Variants in PDGFD observed in about 807,000 individuals in gnomAD.
PDGFD encodes platelet derived growth factor D, also known as platelet-derived growth factor D.
Under a neutral mutation model 44.7 loss-of-function variants are expected in PDGFD, and 30 were observed. The ratio of observed to expected loss-of-function variants is 0.67; its 90% CI spans 0.50 to 0.91. PDGFD has a LOEUF of 0.91. PDGFD is among the 40% of genes least tolerant of loss of function. The pLI, the probability that PDGFD is intolerant of heterozygous loss-of-function variation, is 0.00. For missense variants in PDGFD, 445 were observed against 457.8 expected, an observed-to-expected ratio of 0.97 and a Z score of 0.25; for synonymous variants, 173 against 168.4, an observed-to-expected ratio of 1.03 and a Z score of -0.21.
chr11:103,970,535 C>T (rs1332542889), intron 3 of PDGFD, among the ~76,000 whole-genome samples: 1 of 152,048 alleles, frequency 6.6e-6, no homozygotes, highest in Non-Finnish European at 1.5e-5. Flanking sequence ...TTTGCAAGTA[C>T]TTTAATATAA....
intron 1 of PDGFD, among the ~76,000 whole-genome samples, chr11:104,131,801 T>TAAAAA (rs55959221): frequency 8.5e-4 from 60 of 70,960 alleles, no homozygotes; most frequent in African/African-American, 3.4e-3. Context: ...CAATGAACTG[T>TAAAAA]AAAAAAAAAA....
intron 1 of PDGFD, chr11:104,039,334 G>A (rs1397321121): frequency 1.3e-5 from 2 of 155,138 alleles, no homozygotes; most frequent in East Asian, 3.9e-4. Context: ...TATCTTAAAG[G>A]ATCTGGGATA....
intron 3 of PDGFD, among the ~76,000 whole-genome samples, chr11:103,990,023 C>A (rs1859426852): frequency 6.6e-6 from 1 of 152,134 alleles, no homozygotes; most frequent in African/African-American, 2.4e-5. Flanking sequence ...ACTTTTGTAG[C>A]ATCTCACCTT....
At chr11:104,028,918 T>C (rs1430680520) in intron 1 of PDGFD, among the ~76,000 whole-genome samples, 1 of 152,176 alleles carries the variant, frequency 6.6e-6, no homozygotes, top group Non-Finnish European at 1.5e-5. Context: ...GCATCATAAA[T>C]TGGTTCCCTG....
At chr11:104,037,259 T>A (rs1428163073) in intron 1 of PDGFD, 1 of 1,613,540 alleles carries the variant, frequency 6.2e-7, no homozygotes, top group African/African-American at 1.3e-5. Flanking sequence ...CCCGCCCTGA[T>A]CCGCAGCATG....
intron 1 of PDGFD, among the ~76,000 whole-genome samples, chr11:104,017,175 C>A (rs1239689944): frequency 6.6e-6 from 1 of 152,146 alleles, no homozygotes; most frequent in Non-Finnish European, 1.5e-5. Flanking sequence ...ACAGGCTTTA[C>A]CAGACACCCA....
At chr11:104,017,071 G>A (rs1859868451) in intron 1 of PDGFD, among the ~76,000 whole-genome samples, 1 of 152,152 alleles carries the variant, frequency 6.6e-6, no homozygotes, top group Non-Finnish European at 1.5e-5. Flanking sequence ...CCTCATGAAT[G>A]AGATTACGGA....
intron 1 of PDGFD, among the ~76,000 whole-genome samples, chr11:104,089,891 C>A (rs963218925): frequency 6.6e-6 from 1 of 152,116 alleles, no homozygotes; most frequent in Non-Finnish European, 1.5e-5. Context: ...TGTATAGATT[C>A]TATTGGTTGA....
intron 1 of PDGFD, among the ~76,000 whole-genome samples, chr11:104,135,427 A>G (rs1482397897): frequency 6.6e-6 from 1 of 152,204 alleles, no homozygotes; most frequent in African/African-American, 2.4e-5. Context: ...AAATGGTGCA[A>G]TATGTATGAA....
At chr11:104,133,800 T>C (rs565330693) in intron 1 of PDGFD, among the ~76,000 whole-genome samples, 1 of 152,220 alleles carries the variant, frequency 6.6e-6, no homozygotes, top group South Asian at 2.1e-4. Context: ...ACAAGAAAAC[T>C]GAGGCTCGAA....
chr11:104,056,597 G>A (rs1860619599), intron 1 of PDGFD, among the ~76,000 whole-genome samples: 1 of 152,078 alleles, frequency 6.6e-6, no homozygotes, highest in African/African-American at 2.4e-5. Context: ...ATTCCTGAGA[G>A]TTAGAAGCTG....
intron 1 of PDGFD, among the ~76,000 whole-genome samples, chr11:104,047,283 A>G (rs1860458551): frequency 6.8e-6 from 1 of 147,352 alleles, no homozygotes; most frequent in South Asian, 2.3e-4. Context: ...GTCAAATGGT[A>G]TTTCTGGTTC....
chr11:104,082,133 C>CATATATATATATATATATATATATATAT (rs981551524), intron 1 of PDGFD, among the ~76,000 whole-genome samples: 10,858 of 114,240 alleles, frequency 0.095, 1,424 homozygotes, highest in Middle Eastern at 0.14. Context: ...CATATACATA[C>CATATATATATATATATATATATATATAT]ATACATATAT....
chr11:104,131,922 C>A (rs1565344422), intron 1 of PDGFD, among the ~76,000 whole-genome samples: 1 of 149,914 alleles, frequency 6.7e-6, no homozygotes, highest in African/African-American at 2.5e-5. Flanking sequence ...ATAAAACTGA[C>A]AAGTGGCACC....
intron 1 of PDGFD, among the ~76,000 whole-genome samples, chr11:104,081,047 G>C (rs1015254153): frequency 1.3e-5 from 2 of 152,138 alleles, no homozygotes; most frequent in Non-Finnish European, 2.9e-5. Flanking sequence ...ACAATTAGTA[G>C]AGTCAGAACT....
intron 1 of PDGFD, among the ~76,000 whole-genome samples, chr11:104,111,718 T>C (rs1861561465): frequency 1.3e-5 from 2 of 152,170 alleles, no homozygotes; most frequent in African/African-American, 4.8e-5. Context: ...ACATGTTTCT[T>C]CCATACTTTA....
At chr11:103,971,700 T>A (rs1471263101) in intron 3 of PDGFD, among the ~76,000 whole-genome samples, 1 of 152,212 alleles carries the variant, frequency 6.6e-6, no homozygotes, top group African/African-American at 2.4e-5. Flanking sequence ...TAGGACATTA[T>A]GTTGTTTATT....
Position 104,057,100 on chromosome 11 carries a change from C to T in PDGFD, c.125-56845G>A, listed in dbSNP as rs368725041. 1.6e-4 allele frequency among the ~76,000 whole-genome samples: 25 copies of T among 152,312 alleles called. No homozygotes were observed. The East Asian group carries it at 4.8e-3, about 29-fold the overall frequency. ...CCCAGATCGAGCCACTGCATGCCAGCCTGGCGACACAGCAAGACTTCGTCC... is the reference window on the plus strand; with the variant it reads ...CCCAGATCGAGCCACTGCATGCCAGTCTGGCGACACAGCAAGACTTCGTCC... On this transcript the variant is annotated intron_variant, in intron 1 of 6. Coordinates refer to ENST00000393158, the MANE Select transcript of PDGFD (RefSeq NM_025208.5).
At chr11:103,909,969 T>C in intron 6 of PDGFD, 150 bp from the exon 7 acceptor site, 1 of 845,790 alleles carries the variant, frequency 1.2e-6, no homozygotes, top group Non-Finnish European at 1.9e-6. Flanking sequence ...CACACGTTGC[T>C]ATTAGAATGT....
Sources: allele counts gnomAD v4.1 joint callset (sites outside exome capture counted in the v4.1 genomes callset), GRCh38; gene constraint gnomAD v4.1.1; transcripts MANE v1.5; gene names NCBI Gene and HGNC (gene_info 2026-07-23, HGNC 2026-07-21).